DTWD2: variants seen among roughly 807,000 people sequenced by gnomAD.
DTWD2 encodes tRNA-uridine aminocarboxypropyltransferase 2.
DTWD2 carries 39 observed loss-of-function variants against 31.8 expected under a neutral mutation model. The ratio of observed to expected loss-of-function variants is 1.22; its 90% CI spans 0.95 to 1.60. The LOEUF is 1.60. Among genes scored for constraint, DTWD2 ranks in the 40% most tolerant of loss-of-function variants. The pLI, the probability that DTWD2 is intolerant of heterozygous loss-of-function variation, is 0.00. For synonymous variants in DTWD2, 180 were observed against 142.8 expected (o/e 1.26, Z -1.86); for missense variants, 515 against 381.5 (o/e 1.35, Z -2.92).
chr5:118,898,432 C>A (rs1753129487), intron 4 of DTWD2, among the ~76,000 whole-genome samples: 1 of 151,258 alleles, frequency 6.6e-6, no homozygotes, highest in South Asian at 2.1e-4. Context: ...CTGAGGTAGG[C>A]AGATCACTTG....
At chr5:118,864,157 T>A (rs1394445040) in intron 4 of DTWD2, among the ~76,000 whole-genome samples, 3 of 143,396 alleles carry the variant, frequency 2.1e-5, no homozygotes, top group African/African-American at 8.5e-5. Flanking sequence ...TAGACTGGAT[T>A]AAGAAAATGT....
intron 1 of DTWD2, among the ~76,000 whole-genome samples, chr5:118,981,188 G>A (rs574967649): frequency 1.3e-5 from 2 of 152,246 alleles, no homozygotes; most frequent in South Asian, 2.1e-4. Context: ...GGGTCTCAGG[G>A]GAGGGAAAAA....
intron 1 of DTWD2, among the ~76,000 whole-genome samples, chr5:118,978,312 C>T (rs190829880): frequency 5.3e-5 from 8 of 152,260 alleles, no homozygotes; most frequent in East Asian, 1.9e-4. Context: ...GACGTTGGCA[C>T]GGGCCAAGAT....
At chr5:118,893,449 G>A (rs1156956626) in intron 4 of DTWD2, among the ~76,000 whole-genome samples, 3 of 150,970 alleles carry the variant, frequency 2.0e-5, no homozygotes, top group Non-Finnish European at 2.9e-5. Flanking sequence ...AAATGCAATA[G>A]AGGAAAAATA....
chr5:118,912,176 G>T (rs1423584088), intron 4 of DTWD2, among the ~76,000 whole-genome samples: 1 of 152,144 alleles, frequency 6.6e-6, no homozygotes, highest in Non-Finnish European at 1.5e-5. Context: ...AAATGTAATT[G>T]TTTTGATTTG....
chr5:118,942,429 C>T (rs923930445), intron 2 of DTWD2, among the ~76,000 whole-genome samples: 1 of 152,002 alleles, frequency 6.6e-6, no homozygotes, highest in Non-Finnish European at 1.5e-5. Context: ...TAAAACACAT[C>T]TGTAGCACAC....
At chr5:118,966,893 G>A (rs533487950) in intron 1 of DTWD2, among the ~76,000 whole-genome samples, 2 of 151,998 alleles carry the variant, frequency 1.3e-5, no homozygotes, top group African/African-American at 4.8e-5. Flanking sequence ...AGCCAGGCAC[G>A]GTGGCAGGTG....
At chr5:118,920,019 T>G (rs75903705) in intron 4 of DTWD2, among the ~76,000 whole-genome samples, 46 of 150,202 alleles carry the variant, frequency 3.1e-4, no homozygotes, top group African/African-American at 1.1e-3. Context: ...AAAAAAAAAG[T>G]GCACATTAAA....
chr5:118,988,141 G>T, intron 1 of DTWD2, 153 bp downstream of exon 1: 1 of 911,052 alleles, frequency 1.1e-6, no homozygotes, highest in Non-Finnish European at 1.7e-6. Context: ...AGGTAGCTGT[G>T]CCTGGCATTT....
chr5:118,903,953 A>G (rs17440178), intron 4 of DTWD2, among the ~76,000 whole-genome samples: 6,540 of 152,182 alleles, frequency 0.043, 182 homozygotes, highest in Non-Finnish European at 0.058. Context: ...TCAAAAGGAT[A>G]GAGGATCTAA....
intron 2 of DTWD2, among the ~76,000 whole-genome samples, chr5:118,942,953 C>A (rs1034508141): frequency 6.6e-6 from 1 of 152,104 alleles, no homozygotes; most frequent in African/African-American, 2.4e-5. Context: ...TAGGCATACA[C>A]CACCACACTT....
At chr5:118,848,003 T>C in intron 5 of DTWD2, 87 bp downstream of exon 5, 1 of 1,358,058 alleles carries the variant, frequency 7.4e-7, no homozygotes, top group Admixed American at 2.8e-5. Flanking sequence ...TCACATGAGT[T>C]ACAAATTTAA....
intron 2 of DTWD2, among the ~76,000 whole-genome samples, chr5:118,940,012 G>C (rs1754144853): frequency 6.6e-6 from 1 of 152,208 alleles, no homozygotes; most frequent in South Asian, 2.1e-4. Flanking sequence ...TCCTGAAGGT[G>C]GAACTTAATC....
chr5:118,901,157 T>C (rs536370162), intron 4 of DTWD2, among the ~76,000 whole-genome samples: 2 of 152,232 alleles, frequency 1.3e-5, no homozygotes, highest in Admixed American at 6.5e-5. Context: ...ACTCAGTTTA[T>C]GTATTTTATT....
intron 4 of DTWD2, among the ~76,000 whole-genome samples, chr5:118,855,457 T>G (rs1752108861): frequency 6.6e-6 from 1 of 151,976 alleles, no homozygotes; most frequent in East Asian, 1.9e-4. Flanking sequence ...TCCTGTTGAT[T>G]GCAGGCAACT....
At chr5:118,926,794 T>A (rs1753818212) in intron 4 of DTWD2, among the ~76,000 whole-genome samples, 1 of 152,014 alleles carries the variant, frequency 6.6e-6, no homozygotes, top group South Asian at 2.1e-4. Flanking sequence ...AACCTCAAAC[T>A]CCTGGGCTCA....
intron 4 of DTWD2, among the ~76,000 whole-genome samples, chr5:118,881,530 G>T (rs1276221619): frequency 6.6e-6 from 1 of 152,024 alleles, no homozygotes; most frequent in East Asian, 1.9e-4. Flanking sequence ...AAATACTACT[G>T]GTCTTAGAGG....
intron 4 of DTWD2, among the ~76,000 whole-genome samples, chr5:118,850,504 AAAAAAAT>A: frequency 6.7e-6 from 1 of 148,866 alleles, no homozygotes; most frequent in African/African-American, 2.5e-5. Context: ...AAAAAAAAAA[AAAAAAAT>A]TAATTCAAGA....
At chr5:118,921,096 T>C (rs1322202298) in intron 4 of DTWD2, among the ~76,000 whole-genome samples, 1 of 152,138 alleles carries the variant, frequency 6.6e-6, no homozygotes, top group African/African-American at 2.4e-5. Context: ...CAAATGTTCC[T>C]TCAAGTTAAC....
Sources: gnomAD v4.1 joint callset for allele counts (sites outside exome capture counted in the v4.1 genomes callset) on GRCh38, gnomAD v4.1.1 for gene constraint, MANE v1.5 for transcripts, NCBI Gene and HGNC (gene_info 2026-07-23, HGNC 2026-07-21) for gene names.